The following PAK1 variants were observed in gnomAD, a reference collection of about 807,000 sequenced individuals.
PAK1 encodes p21 (RAC1) activated kinase 1, also known as serine/threonine-protein kinase PAK 1.
A neutral mutation model predicts 67.4 loss-of-function variants in PAK1; 29 were observed. The ratio of observed to expected loss-of-function variants is 0.43; its 90% confidence interval spans 0.32 to 0.59. PAK1 has a LOEUF of 0.59. Ranked by LOEUF, PAK1 falls within the 20% of genes least tolerant of loss-of-function variation. The probability of loss-of-function intolerance (pLI) is 0.07; values close to 1 mark genes in which losing one functional copy is unlikely to be tolerated. For synonymous variants in PAK1, 223 were observed against 237.4 expected (o/e 0.94, Z 0.56); for missense variants, 337 against 670.7 (o/e 0.50, Z 5.50).
chr11:77,413,322 G>C (rs1302507298), intron 1 of PAK1, among the ~76,000 whole-genome samples: 1 of 152,172 alleles, frequency 6.6e-6, no homozygotes, highest in African/African-American at 2.4e-5. Flanking sequence ...TAATGATTTA[G>C]ACTAACATAT....
intron 5 of PAK1, among the ~76,000 whole-genome samples, chr11:77,368,764 C>A (rs1947965061): frequency 6.6e-6 from 1 of 152,118 alleles, no homozygotes; most frequent in South Asian, 2.1e-4. Flanking sequence ...TCAAGTGATT[C>A]TTTTGCCTCG....
the PAK1 span, among the ~76,000 whole-genome samples, chr11:77,481,484 G>A: frequency 6.2e-4 from 95 of 152,036 alleles, no homozygotes; most frequent in African/African-American, 1.9e-3. Flanking sequence ...AGACCATCCT[G>A]GCCAACAAGG....
chr11:77,524,611 A>C, the PAK1 span, among the ~76,000 whole-genome samples: 4 of 152,058 alleles, frequency 2.6e-5, no homozygotes, highest in Non-Finnish European at 4.4e-5. Context: ...CACACATCTT[A>C]TTTCTCCCAC....
At chr11:77,488,084 C>A in the PAK1 span, among the ~76,000 whole-genome samples, 1 of 152,286 alleles carries the variant, frequency 6.6e-6, no homozygotes, top group Admixed American at 6.5e-5. Context: ...CAGAGAGAGA[C>A]TTTATGTGTT....
rs941911564 is a variant in PAK1, at chr11:77,322,567, G to T, written c.*707C>A. 28 of 200,892 alleles carry T rather than the reference G, an allele frequency of 1.4e-4. No individual in the cohort carries two copies. Among genetic ancestry groups the T allele is most frequent in the African/African-American group, 6.5e-4 (28 of 42,968 alleles). The allele number at this position is 200,892 out of a possible 1,614,324, so 12.4% of individuals were successfully genotyped here. On this transcript the variant is annotated 3_prime_UTR_variant, in exon 15 of 15. Coordinates refer to ENST00000356341, the MANE Select transcript of PAK1 (RefSeq NM_002576.5). ...CTCTCAATGTTATAAACAAGGGACAGGATAGGGGCAGCAGCCTAGGGTATG... is the reference window on the plus strand; with the variant it reads ...CTCTCAATGTTATAAACAAGGGACATGATAGGGGCAGCAGCCTAGGGTATG...
chr11:77,443,806 G>A (rs1956470297), intron 1 of PAK1, among the ~76,000 whole-genome samples: 1 of 152,140 alleles, frequency 6.6e-6, no homozygotes, highest in Non-Finnish European at 1.5e-5. Context: ...TCAAATTAAT[G>A]AGAAAATTAA....
intron 1 of PAK1, among the ~76,000 whole-genome samples, chr11:77,398,044 G>T (rs1378584672): frequency 6.6e-6 from 1 of 152,208 alleles, no homozygotes; most frequent in African/African-American, 2.4e-5. Context: ...ACACAGGCAT[G>T]CAATGCAAAA....
At chr11:77,438,746 C>A (rs979208200) in intron 1 of PAK1, among the ~76,000 whole-genome samples, 2 of 152,140 alleles carry the variant, frequency 1.3e-5, no homozygotes, top group Non-Finnish European at 2.9e-5. Context: ...CACAGAACCT[C>A]TGTGTATGAC....
At chr11:77,337,301 T>C (rs750449308) in intron 12 of PAK1, 23 bp downstream of exon 12, 1 of 1,264,398 alleles carries the variant, frequency 7.9e-7, no homozygotes, top group South Asian at 1.2e-5. Context: ...AGAAGTATTA[T>C]CATTCCTAAG....
intron 5 of PAK1, among the ~76,000 whole-genome samples, chr11:77,360,856 A>C (rs1393907761): frequency 6.6e-6 from 1 of 152,178 alleles, no homozygotes; most frequent in African/African-American, 2.4e-5. Flanking sequence ...AAGGCCACTG[A>C]ATGGATTAAA....
At chr11:77,383,321 A>ATTTT (rs1162924725) in intron 2 of PAK1, among the ~76,000 whole-genome samples, 63 of 135,638 alleles carry the variant, frequency 4.6e-4, no homozygotes, top group African/African-American at 1.6e-3. Flanking sequence ...GTACTGTGTA[A>ATTTT]TTTTTTTTTT....
At chr11:77,394,849 CA>C (rs1951639035) in intron 1 of PAK1, among the ~76,000 whole-genome samples, 1 of 87,716 alleles carries the variant, frequency 1.1e-5, no homozygotes, top group South Asian at 2.6e-4. Context: ...GTCTCAAAAA[CA>C]AAACAAAACA....
chr11:77,505,864 TGTGTTAGAAGTAAGAGCA>T, the PAK1 span, among the ~76,000 whole-genome samples: 1 of 152,166 alleles, frequency 6.6e-6, no homozygotes, highest in Non-Finnish European at 1.5e-5. Context: ...TGAACAGTGC[TGTGTTAGAAGTAAGAGCA>T]GGTCCTAAGA....
chr11:77,403,680 G>C (rs1227838029), intron 1 of PAK1, among the ~76,000 whole-genome samples: 1 of 152,054 alleles, frequency 6.6e-6, no homozygotes, highest in Non-Finnish European at 1.5e-5. Flanking sequence ...CCTAGCTTTA[G>C]GATAGTTGAA....
At chr11:77,412,478 AGT>A (rs1228437060) in intron 1 of PAK1, among the ~76,000 whole-genome samples, 1 of 151,986 alleles carries the variant, frequency 6.6e-6, no homozygotes, top group Non-Finnish European at 1.5e-5. Context: ...CCCAGGCTGG[AGT>A]GCAGTGGTTG....
intron 13 of PAK1, among the ~76,000 whole-genome samples, chr11:77,334,586 G>C (rs1411640164): frequency 2.0e-5 from 3 of 152,050 alleles, no homozygotes; most frequent in African/African-American, 7.2e-5. Flanking sequence ...CTGTTACAAG[G>C]GATAAATTGT....
At chr11:77,480,977 T>C in the PAK1 span, among the ~76,000 whole-genome samples, 1 of 152,266 alleles carries the variant, frequency 6.6e-6, no homozygotes, top group African/African-American at 2.4e-5. Context: ...ATATATTATT[T>C]CTAATTTAAT....
chr11:77,388,650 G>A (rs1950756935), intron 2 of PAK1, among the ~76,000 whole-genome samples: 1 of 152,186 alleles, frequency 6.6e-6, no homozygotes, highest in Non-Finnish European at 1.5e-5. Context: ...ACCGTGCCTG[G>A]CCAGTTATAG....
intron 1 of PAK1, among the ~76,000 whole-genome samples, chr11:77,466,404 C>A (rs1233405225): frequency 6.6e-6 from 1 of 152,070 alleles, no homozygotes; most frequent in Admixed American, 6.6e-5. Context: ...GAGATTGAGA[C>A]CATCCTGGCT....
Sources: gnomAD v4.1 joint callset for allele counts (sites outside exome capture counted in the v4.1 genomes callset) on GRCh38, gnomAD v4.1.1 for gene constraint, MANE v1.5 for transcripts, NCBI Gene and HGNC (gene_info 2026-07-23, HGNC 2026-07-21) for gene names.